PCDHGB1: variants seen among roughly 807,000 people sequenced by gnomAD.
PCDHGB1 encodes protocadherin gamma subfamily B, 1, also known as protocadherin gamma-B1.
Under a neutral mutation model 56.6 loss-of-function variants are expected in PCDHGB1, and 34 were observed. The ratio of observed to expected loss-of-function variants is 0.60; its 90% confidence interval spans 0.46 to 0.80. The LOEUF (loss-of-function observed/expected upper bound fraction) is 0.80. PCDHGB1 is among the 30% of genes least tolerant of loss of function. The probability of loss-of-function intolerance (pLI) is 0.00; values close to 1 mark genes in which losing one functional copy is unlikely to be tolerated. For missense variants in PCDHGB1, 1,278 were observed against 1,204.6 expected, an observed-to-expected ratio of 1.06 and a Z score of -0.90; for synonymous variants, 561 against 505.9, an observed-to-expected ratio of 1.11 and a Z score of -1.46.
chr5:141,427,956 C>T, intron 1 of PCDHGB1: 1 of 1,587,304 alleles, frequency 6.3e-7, no homozygotes, highest in African/African-American at 1.3e-5. Context: ...TGACAATGTG[C>T]CGCGGGTGCT....
At chr5:141,473,942 G>A (rs1419813166) in intron 1 of PCDHGB1, among the ~76,000 whole-genome samples, 3 of 152,124 alleles carry the variant, frequency 2.0e-5, no homozygotes, top group Non-Finnish European at 2.9e-5. Flanking sequence ...AGTAGCTCAG[G>A]CCTGTAGTCC....
Position 141,351,737 on chromosome 5 carries a change from G to A in PCDHGB1, c.1477G>A (p.Glu493Lys), listed in dbSNP as rs759972486. 1 of 1,613,678 alleles carries A rather than the reference G, an allele frequency of 6.2e-7. No individual in the cohort carries two copies. The highest frequency in any genetic ancestry group is 2.2e-5 in the East Asian group (1 of 44,878). ...VSYSILASDL[E>K]PRELLSYVSV... The stretch of plus-strand genomic sequence containing the variant: ...CTACTCTATTCTGGCCAGTGACCTG[G>A]AGCCGCGGGAGCTGTTGTCCTACGT... Residue 493 changes from glutamate (E) to lysine (K), a missense_variant, in exon 1 of 4, where the codon GAG becomes AAG. Physicochemically the swap from Glu to Lys is moderately conservative, Grantham distance 56. Transcript: ENST00000523390.
chr5:141,438,735 C>T (rs2098057719), intron 1 of PCDHGB1, among the ~76,000 whole-genome samples: 1 of 149,150 alleles, frequency 6.7e-6, no homozygotes, highest in South Asian at 2.1e-4. Context: ...GATCTCAGCT[C>T]ACTGCAACCT....
At chr5:141,414,531 C>A in intron 1 of PCDHGB1, 1 of 1,613,960 alleles carries the variant, frequency 6.2e-7, no homozygotes, top group Non-Finnish European at 8.5e-7. Context: ...TCAATGACAA[C>A]CCACCTACCT....
chr5:141,415,102 A>G, intron 1 of PCDHGB1: 2 of 1,613,550 alleles, frequency 1.2e-6, no homozygotes, highest in Non-Finnish European at 8.5e-7. Flanking sequence ...AGACGCGCTC[A>G]AGCAAAGCCT....
chr5:141,432,991 CG>C lies in PCDHGB1; in HGVS notation c.2410-61812del. 1.9e-6 allele frequency: 3 copies of C among 1,614,200 alleles called. No homozygotes were observed. Among genetic ancestry groups the C allele is most frequent in the Non-Finnish European group, 2.5e-6 (3 of 1,180,030 alleles). On this transcript the variant is annotated intron_variant, in intron 1 of 3. Transcript: ENST00000523390. This position sits in a 1 kb window ranked among gnomAD's most constrained non-coding sequence, Gnocchi z 6.0. ...CGGCGTCGCACTTTGTGGGCGTGGACGGGGTGCAGGCTTTCCTGCAGACCTA... is the reference window on the plus strand; with the variant it reads ...CGGCGTCGCACTTTGTGGGCGTGGACGGGTGCAGGCTTTCCTGCAGACCTA...
At chr5:141,428,091 T>C (rs769710543) in intron 1 of PCDHGB1, 2 of 1,609,000 alleles carry the variant, frequency 1.2e-6, no homozygotes, top group East Asian at 2.2e-5. Flanking sequence ...CGCTTGGCTG[T>C]CCTACCACGT....
At chr5:141,428,174 G>A (rs962782246) in intron 1 of PCDHGB1, 3 of 1,515,246 alleles carry the variant, frequency 2.0e-6, no homozygotes, top group Non-Finnish European at 2.7e-6. Context: ...TGTGCGTGAC[G>A]GAGGACAGCC....
intron 1 of PCDHGB1, among the ~76,000 whole-genome samples, chr5:141,467,359 A>G (rs997614051): frequency 1.3e-5 from 2 of 151,714 alleles, no homozygotes; most frequent in African/African-American, 4.8e-5. Context: ...GGCCAAATCA[A>G]CGTTTTCTTA....
chr5:141,507,251 A>G (rs958917337), intron 3 of PCDHGB1: 3 of 152,400 alleles, frequency 2.0e-5, no homozygotes, highest in Non-Finnish European at 4.4e-5. Context: ...TGAATGTCAG[A>G]TAAACAGCAA....
At chr5:141,423,926 T>C (rs925790302) in intron 1 of PCDHGB1, 2 of 1,245,276 alleles carry the variant, frequency 1.6e-6, no homozygotes, top group Non-Finnish European at 2.0e-6. Flanking sequence ...CTATGCTGGT[T>C]TGGTTTGAAG....
chr5:141,365,919 TGTG>T (rs1195562378), intron 1 of PCDHGB1: 1 of 1,614,178 alleles, frequency 6.2e-7, no homozygotes, highest in East Asian at 2.2e-5. Flanking sequence ...GACCTACAGT[TGTG>T]GGTGACAGCC....
intron 1 of PCDHGB1, chr5:141,395,535 C>A: frequency 3.6e-5 from 12 of 331,892 alleles, no homozygotes; most frequent in Admixed American, 5.0e-5. Context: ...GGTAATTTTG[C>A]TATTGTTTGT....
intron 1 of PCDHGB1, among the ~76,000 whole-genome samples, chr5:141,397,777 C>T (rs1589309887): frequency 6.6e-6 from 1 of 152,170 alleles, no homozygotes; most frequent in Non-Finnish European, 1.5e-5. Flanking sequence ...AGTATATGGA[C>T]GTAAAAACTT....
chr5:141,359,272 C>A (rs1761162358), intron 1 of PCDHGB1, among the ~76,000 whole-genome samples: 1 of 151,958 alleles, frequency 6.6e-6, no homozygotes, highest in Non-Finnish European at 1.5e-5. Context: ...TTTGGAAATG[C>A]TCAATTGGTC....
chr5:141,444,240 C>A (rs1017550385), intron 1 of PCDHGB1, among the ~76,000 whole-genome samples: 1 of 128,688 alleles, frequency 7.8e-6, no homozygotes, highest in Admixed American at 9.7e-5. Flanking sequence ...GGCATGCTCT[C>A]GGCTCACTGC....
At chr5:141,509,096 T>C (rs1364889034) in intron 3 of PCDHGB1, among the ~76,000 whole-genome samples, 1 of 152,124 alleles carries the variant, frequency 6.6e-6, no homozygotes, top group African/African-American at 2.4e-5. Context: ...ATGGGGGCTG[T>C]AGAAACCTGA....
Position 141,351,084 on chromosome 5 carries a change from C to T in PCDHGB1, c.824C>T (p.Thr275Ile), listed in dbSNP as rs2149760695. The part of the protein sequence containing the change: ...DQDEGINAEI[T>I]YAFLNSPIST... The stretch of plus-strand genomic sequence containing the variant: ...GATGAGGGCATTAATGCAGAGATCA[C>T]CTATGCCTTCCTCAATTCCCCAATA... Residue 275 changes from threonine (T) to isoleucine (I), a missense_variant, in exon 1 of 4, where the codon ACC (threonine) becomes ATC (isoleucine). Transcript: ENST00000523390. The T allele has an allele frequency of 6.2e-7, 1 of 1,614,002 alleles. No individual in the cohort carries two copies. The highest frequency in any genetic ancestry group is 8.5e-7 in the Non-Finnish European group (1 of 1,179,850).
Position 141,361,518 on chromosome 5 carries a change from G to A in PCDHGB1, c.2409+8849G>A, listed in dbSNP as rs537842997. Reference sequence around the variant, plus strand: ...AACAGACTTCCTACATGGTTCACGTGGCAGAGAACAATCCTCCTGGCGCCT... The same window carrying A: ...AACAGACTTCCTACATGGTTCACGTAGCAGAGAACAATCCTCCTGGCGCCT... On this transcript the variant is annotated intron_variant, in intron 1 of 3. Transcript: ENST00000523390. 26 of 1,614,022 alleles carry A rather than the reference G, an allele frequency of 1.6e-5. No homozygotes were observed. The South Asian group carries it at 2.6e-4, about 16-fold the overall frequency.
Sources: allele counts gnomAD v4.1 joint callset (sites outside exome capture counted in the v4.1 genomes callset), GRCh38; gene constraint gnomAD v4.1.1; non-coding constraint Gnocchi (gnomAD v3.1); transcripts MANE v1.5; gene names NCBI Gene and HGNC (gene_info 2026-07-23, HGNC 2026-07-21).